Variants in EPS15 observed in about 807,000 individuals in gnomAD.
EPS15 encodes the protein epidermal growth factor receptor substrate 15.
Under a neutral mutation model 113.8 loss-of-function variants are expected in EPS15, and 72 were observed. That is an observed-to-expected ratio of 0.63 (90% CI 0.52 to 0.77). EPS15 has a LOEUF of 0.77. EPS15 is among the 30% of genes least tolerant of loss of function. The pLI, the probability that EPS15 is intolerant of heterozygous loss-of-function variation, is 0.00. For synonymous variants in EPS15, 344 were observed against 363.4 expected, an observed-to-expected ratio of 0.95 and a Z score of 0.61; for missense variants, 1,048 against 1,045.8, an observed-to-expected ratio of 1.00 and a Z score of -0.03.
At chr1:51,374,485 T>A (rs1570116999) in intron 21 of EPS15, among the ~76,000 whole-genome samples, 1 of 152,140 alleles carries the variant, frequency 6.6e-6, no homozygotes, top group East Asian at 1.9e-4. Context: ...ATGCCTGTAA[T>A]CTCAGCTACT....
rs555080450 is a variant in EPS15 at position 51,463,337 on chromosome 1, C to T, written c.501+336G>A. 9 of 167,542 alleles carry T rather than the reference C, an allele frequency of 5.4e-5. No homozygotes were observed. The East Asian group carries it at 1.5e-3, about 28-fold the overall frequency. 10.4% of individuals were successfully genotyped at this position (167,542 alleles called of 1,614,324 possible). A position where few individuals can be genotyped will look rare whatever the true frequency, so the allele number is the denominator to read the frequency against. ...ACAACAAGACACCATGATACAGCCA[C>T]AGAGTAAGTGGCAGACATAAAATAC... On this transcript the variant is annotated intron_variant, in intron 7 of 24. Transcript: ENST00000371733.
At chr1:51,498,495 C>T (rs962176823) in intron 1 of EPS15, among the ~76,000 whole-genome samples, 1 of 152,104 alleles carries the variant, frequency 6.6e-6, no homozygotes, top group Non-Finnish European at 1.5e-5. Context: ...ATAAAACATG[C>T]TTTGTATTAG....
At chr1:51,406,941 T>C (rs747325335) in intron 15 of EPS15, among the ~76,000 whole-genome samples, 1 of 152,190 alleles carries the variant, frequency 6.6e-6, no homozygotes, top group Non-Finnish European at 1.5e-5. Context: ...ATTTAAGGTA[T>C]ATCTTGCATG....
In EPS15 at chr1:51,356,803, C is replaced by T. The variant is rs758199502; in HGVS notation, c.2588G>A (p.Ser863Asn). The change falls in exon 25 of 25, where the codon AGT becomes AAT. Residue 863 changes from serine (S) to asparagine (N), a missense_variant. By Grantham distance (46) the Ser-to-Asn change is conservative. Transcript: ENST00000371733. The stretch of plus-strand genomic sequence containing the variant: ...AAGCCTCTGCTCTTCCTCTCTCTCA[C>T]TTTCCCTCTTGGCCCATTCGATCAT... ...EDMIEWAKRESEREEEQRLAR... is the reference protein window; with the variant it reads ...EDMIEWAKRENEREEEQRLAR... 59 of 1,613,802 alleles carry T rather than the reference C, an allele frequency of 3.7e-5. No individual in the cohort carries two copies. The highest frequency in any genetic ancestry group is 4.9e-5 in the Non-Finnish European group (58 of 1,179,872).
intron 10 of EPS15, among the ~76,000 whole-genome samples, chr1:51,445,528 T>C (rs1447370789): frequency 6.6e-6 from 1 of 151,754 alleles, no homozygotes; most frequent in Admixed American, 6.6e-5. Flanking sequence ...CAAAGCAGAA[T>C]AAACAGCTGC....
intron 8 of EPS15, among the ~76,000 whole-genome samples, chr1:51,455,318 G>A (rs1375776170): frequency 1.3e-5 from 2 of 152,246 alleles, no homozygotes; most frequent in Admixed American, 6.5e-5. Flanking sequence ...CTTTGGGCAC[G>A]GTGACTCACA....
At chr1:51,470,456 C>T (rs1655153574) in intron 4 of EPS15, among the ~76,000 whole-genome samples, 1 of 151,778 alleles carries the variant, frequency 6.6e-6, no homozygotes, top group Non-Finnish European at 1.5e-5. Flanking sequence ...ACCAGCCTGG[C>T]CAATATAGTG....
At chr1:51,368,959 G>A (rs547276724) in intron 21 of EPS15, among the ~76,000 whole-genome samples, 1 of 152,136 alleles carries the variant, frequency 6.6e-6, no homozygotes, top group South Asian at 2.1e-4. Flanking sequence ...TGCTCTCCCT[G>A]ACTGCTGACA....
chr1:51,406,197 T>G, intron 15 of EPS15, 89 bp from the exon 16 acceptor site: 2 of 1,061,142 alleles, frequency 1.9e-6, no homozygotes, highest in Admixed American at 4.3e-5. Context: ...CCTGACGGGC[T>G]AGGTGTGGTA....
At chr1:51,457,459 A>C (rs767626179) in intron 8 of EPS15, 1 of 151,658 alleles carries the variant, frequency 6.6e-6, no homozygotes, top group Non-Finnish European at 1.5e-5. Flanking sequence ...CCCTACCCAA[A>C]ATGCTTGGGA....
At chr1:51,393,117 A>G (rs1647556069) in intron 21 of EPS15, among the ~76,000 whole-genome samples, 1 of 152,202 alleles carries the variant, frequency 6.6e-6, no homozygotes, top group Non-Finnish European at 1.5e-5. Flanking sequence ...CACTCTTGCT[A>G]CTCATGTTGG....
In EPS15 at chr1:51,399,281, T is replaced by C. The variant is rs970974427; in HGVS notation, c.1919-116A>G. The C allele has an allele frequency of 1.4e-4, 127 of 919,878 alleles. 1 individual carries two copies. The highest frequency in any genetic ancestry group is 4.4e-5 in the Non-Finnish European group (27 of 610,014). 57.0% of individuals were successfully genotyped at this position (919,878 alleles called of 1,614,324 possible). On this transcript the variant is annotated intron_variant, in intron 19 of 24. Transcript: ENST00000371733. The stretch of plus-strand genomic sequence containing the variant: ...AAAGACAGTCTGGGGCCAGGTGCAG[T>C]GGCTCACGTCTGCATTCCCACCACT...
At chr1:51,508,370 AAGAAAG>A (rs1212890719) in intron 1 of EPS15, among the ~76,000 whole-genome samples, 2 of 144,112 alleles carry the variant, frequency 1.4e-5, no homozygotes, top group African/African-American at 4.9e-5. Context: ...GAAAGAAAGA[AAGAAAG>A]AAAGAAAGAG....
Position 51,451,286 on chromosome 1 carries a change from C to A in EPS15, c.562-3151G>T, listed in dbSNP as rs540383403. On this transcript the variant is annotated intron_variant, in intron 8 of 24. Coordinates refer to ENST00000371733, the MANE Select transcript of EPS15 (RefSeq NM_001981.3). ...GGTGGATCACCTGAGGTCAGGAGTT[C>A]GAAACCAGCCTGGCCAACATGGTAA... Among the ~76,000 whole-genome samples the A allele has an allele frequency of 4.6e-5, 7 of 151,432 alleles. No homozygotes were observed. The South Asian group carries it at 1.5e-3, about 31-fold the overall frequency.
chr1:51,433,146 T>C (rs1037964178), intron 12 of EPS15, among the ~76,000 whole-genome samples: 4 of 152,204 alleles, frequency 2.6e-5, no homozygotes, highest in African/African-American at 9.7e-5. Flanking sequence ...GGTCTATATA[T>C]TTAGGAACAC....
rs772015382 is a variant in EPS15 at position 51,461,140 on chromosome 1, A to G, written c.512T>C (p.Leu171Ser). Residue 171 changes from leucine to serine, a missense_variant, in exon 8 of 25, where the codon TTG becomes TCG. Leu to Ser is a moderately radical substitution (Grantham distance 145, BLOSUM62 -2). Coordinates refer to ENST00000371733, the MANE Select transcript of EPS15 (RefSeq NM_001981.3). Reference sequence around the variant, plus strand: ...CATTCCATCATGGTCAATATCACTCAACTCCCAAACCTTAAAAAGAGAATA... The same window carrying G: ...CATTCCATCATGGTCAATATCACTCGACTCCCAAACCTTAAAAAGAGAATA... ...PVDILGRVWE[L>S]SDIDHDGMLD... 6.3e-7 allele frequency: 1 copy of G among 1,599,362 alleles called. No individual in the cohort carries two copies. The highest frequency in any genetic ancestry group is 8.6e-7 in the Non-Finnish European group (1 of 1,166,710).
At chr1:51,402,595 A>T in intron 17 of EPS15, 70 bp from the exon 18 acceptor site, 1 of 823,354 alleles carries the variant, frequency 1.2e-6, no homozygotes, top group South Asian at 1.7e-5. Flanking sequence ...TTTAAAATAA[A>T]ATAACACACA....
At chr1:51,369,691 G>A (rs1646601412) in intron 21 of EPS15, among the ~76,000 whole-genome samples, 1 of 151,944 alleles carries the variant, frequency 6.6e-6, no homozygotes, top group African/African-American at 2.4e-5. Context: ...TTTTGTGAAG[G>A]TGTACATGAA....
intron 21 of EPS15, among the ~76,000 whole-genome samples, chr1:51,374,809 T>C (rs1404182186): frequency 6.6e-6 from 1 of 151,378 alleles, no homozygotes; most frequent in Non-Finnish European, 1.5e-5. Context: ...GTTCAAGAGA[T>C]TCTCCTGCCT....
Sources: allele counts gnomAD v4.1 joint callset (sites outside exome capture counted in the v4.1 genomes callset), GRCh38; gene constraint gnomAD v4.1.1; transcripts MANE v1.5; gene names NCBI Gene and HGNC (gene_info 2026-07-23, HGNC 2026-07-21).